RCN1: variants seen among roughly 807,000 people sequenced by gnomAD.
RCN1 encodes the protein reticulocalbin-1.
RCN1 carries 14 observed loss-of-function variants against 34.7 expected under a neutral mutation model. The ratio of observed to expected loss-of-function variants is 0.40; its 90% CI spans 0.27 to 0.63. The LOEUF (loss-of-function observed/expected upper bound fraction) is 0.63. RCN1 is among the 30% of genes least tolerant of loss of function. RCN1 has a pLI of 0.37. For missense variants in RCN1, 326 were observed against 425.1 expected, an observed-to-expected ratio of 0.77 and a Z score of 2.05; for synonymous variants, 125 against 165.5, an observed-to-expected ratio of 0.76 and a Z score of 1.88.
At position 32,105,042 on chromosome 11, in the gene RCN1, A is replaced by G. The variant is rs1456534251; in HGVS notation, c.*570A>G. 2 of 167,348 alleles carry G rather than the reference A, an allele frequency of 1.2e-5. No individual in the cohort carries two copies. The highest frequency in any genetic ancestry group is 6.5e-5 in the Admixed American group (1 of 15,304). The allele number at this position is 167,348 out of a possible 1,614,324, so 10.4% of individuals were successfully genotyped here. The stretch of plus-strand genomic sequence containing the variant: ...TATATGAAACCTCCATGCATTTTCC[A>G]GTATGGATCTGCTAATATGCACAGT... On this transcript the variant is annotated 3_prime_UTR_variant, in exon 6 of 6. Coordinates refer to ENST00000054950, the MANE Select transcript of RCN1 (RefSeq NM_002901.4).
At chr11:32,092,166 G>C (rs914003355) in intron 1 of RCN1, among the ~76,000 whole-genome samples, 1 of 152,110 alleles carries the variant, frequency 6.6e-6, no homozygotes, top group African/African-American at 2.4e-5. Flanking sequence ...AATTAGCCGG[G>C]CGTCGTGGCA....
At position 32,098,333 on chromosome 11, in the gene RCN1, A is replaced by T. The variant is rs756740384; in HGVS notation, c.449-17A>T. 4 of 1,597,916 alleles carry T rather than the reference A, an allele frequency of 2.5e-6. No homozygotes were observed. Among genetic ancestry groups the T allele is most frequent in the Non-Finnish European group, 2.6e-6 (3 of 1,174,004 alleles). On this transcript the variant is annotated splice_polypyrimidine_tract_variant and intron_variant, in intron 2 of 5. Transcript: ENST00000054950. ...CCGCACGGTTTAAAAACATTTCTGCATACATACATCCTGCAGGAAACCCCG... is the reference window on the plus strand; with the variant it reads ...CCGCACGGTTTAAAAACATTTCTGCTTACATACATCCTGCAGGAAACCCCG...
intron 1 of RCN1, chr11:32,096,711 G>A (rs1439940717): frequency 6.4e-6 from 1 of 157,074 alleles, no homozygotes; most frequent in Non-Finnish European, 1.4e-5. Context: ...AATACTGGCT[G>A]TGTAATCTTA....
intron 3 of RCN1, 100 bp from the exon 4 acceptor site, chr11:32,100,448 G>A (rs1157673174): frequency 1.1e-6 from 1 of 937,878 alleles, no homozygotes; most frequent in Non-Finnish European, 1.7e-6. Flanking sequence ...AAGTCACCAA[G>A]CATTCAGCCG....
At chr11:32,097,015 G>T in intron 1 of RCN1, 129 bp from the exon 2 acceptor site, 1 of 670,256 alleles carries the variant, frequency 1.5e-6, no homozygotes, top group Non-Finnish European at 2.4e-6. Context: ...TGATTCTGTT[G>T]TAGTTGTATG....
chr11:32,097,773 G>A (rs538494548), intron 2 of RCN1, among the ~76,000 whole-genome samples: 19 of 152,198 alleles, frequency 1.2e-4, no homozygotes, highest in Non-Finnish European at 2.5e-4. Context: ...TTTGGAGAAG[G>A]TGGGTCAACT....
chr11:32,091,618 G>A, intron 1 of RCN1, 168 bp downstream of exon 1: 1 of 839,232 alleles, frequency 1.2e-6, no homozygotes. Flanking sequence ...ACTTGCTGGA[G>A]GGCCCCGGGA....
Position 32,104,462 on chromosome 11 carries a change from AT to A in RCN1, c.987del (p.Asp329GlufsTer15), listed in dbSNP as rs1852084864. 2.1e-6 allele frequency: 3 copies of A among 1,454,056 alleles called. No homozygotes were observed. The highest frequency in any genetic ancestry group is 2.9e-6 in the Non-Finnish European group (3 of 1,036,620). 90.1% of individuals were successfully genotyped at this position (1,454,056 alleles called of 1,614,324 possible). On this transcript the variant is annotated frameshift_variant, in exon 6 of 6. Coordinates refer to ENST00000054950, the MANE Select transcript of RCN1 (RefSeq NM_002901.4). LOFTEE classifies it high-confidence loss of function. ...GGGGAAGATCTCACAAAAAATCATG[AT>A]GAGCTTTGATAGACACTCACCAGAA... ...NYGEDLTKNH[D>X]EL is the part of the protein sequence containing the mutation.
Position 32,091,763 on chromosome 11 carries a change from G to A in RCN1, c.254+313G>A, listed in dbSNP as rs147568240. The A allele has an allele frequency of 7.4e-3, 2,991 of 406,212 alleles. 20 individuals carry two copies. The highest frequency in any genetic ancestry group is 0.022 in the Middle Eastern group (33 of 1,510). The allele number at this position is 406,212 out of a possible 1,614,324, so 25.2% of individuals were successfully genotyped here. A position where few individuals can be genotyped will look rare whatever the true frequency, so the allele number is the denominator to read the frequency against. ...CCCCCAGGTTGCATCAGAAGGGAGGGGAGAGTGCACAAAAGAAGAGTTTGT... is the reference window on the plus strand; with the variant it reads ...CCCCCAGGTTGCATCAGAAGGGAGGAGAGAGTGCACAAAAGAAGAGTTTGT... On this transcript the variant is annotated intron_variant, in intron 1 of 5. Transcript: ENST00000054950.
chr11:32,101,457 A>C (rs1036496009), intron 4 of RCN1, among the ~76,000 whole-genome samples: 16 of 152,232 alleles, frequency 1.1e-4, no homozygotes, highest in Non-Finnish European at 2.2e-4. Context: ...ATTTTTGTAC[A>C]GATTTTTAAT....
At chr11:32,100,962 A>C (rs1852030530) in intron 4 of RCN1, among the ~76,000 whole-genome samples, 1 of 152,252 alleles carries the variant, frequency 6.6e-6, no homozygotes. Flanking sequence ...AGACAGTGTC[A>C]GGGCAAAGCC....
intron 5 of RCN1, 24 bp downstream of exon 5, chr11:32,103,504 A>C: frequency 6.3e-7 from 1 of 1,597,802 alleles, no homozygotes; most frequent in Non-Finnish European, 8.6e-7. Flanking sequence ...TTCTGGAATC[A>C]CTGATTGAAG....
At chr11:32,092,105 C>G (rs550157683) in intron 1 of RCN1, among the ~76,000 whole-genome samples, 78 of 151,814 alleles carry the variant, frequency 5.1e-4, no homozygotes, top group African/African-American at 1.8e-3. Flanking sequence ...GTCAGGAGTT[C>G]GAGACCAGCC....
At chr11:32,101,753 G>T (rs1394304107) in intron 4 of RCN1, among the ~76,000 whole-genome samples, 3 of 152,186 alleles carry the variant, frequency 2.0e-5, no homozygotes, top group Admixed American at 6.5e-5. Flanking sequence ...ATCAGAGCAA[G>T]CAGTTGAGCC....
At chr11:32,096,183 G>T (rs976687431) in intron 1 of RCN1, among the ~76,000 whole-genome samples, 2 of 152,216 alleles carry the variant, frequency 1.3e-5, no homozygotes, top group Non-Finnish European at 2.9e-5. Context: ...TCTAGAGTTA[G>T]CCTGTATGAC....
intron 4 of RCN1, among the ~76,000 whole-genome samples, 168 bp downstream of exon 4, chr11:32,100,776 A>G (rs1852028942): frequency 6.6e-6 from 1 of 152,154 alleles, no homozygotes; most frequent in Non-Finnish European, 1.5e-5. Context: ...GTGATGTAGT[A>G]TCAGGGAAGT....
chr11:32,102,705 G>T, intron 4 of RCN1: 1 of 262,768 alleles, frequency 3.8e-6, no homozygotes, highest in South Asian at 4.0e-5. Context: ...CCATGTTCCT[G>T]TGCAGCCTCC....
In RCN1 at chr11:32,100,611, G is replaced by C; in HGVS notation, c.688+3G>C. 1.9e-6 allele frequency: 3 copies of C among 1,612,858 alleles called. No homozygotes were observed. Among genetic ancestry groups the C allele is most frequent in the Non-Finnish European group, 2.5e-6 (3 of 1,178,862 alleles). Reference sequence around the variant, plus strand: ...TGTGGATCAGGATGAGTATATTGGTGAGTACTGACCTAGAGTCTTGCTCAG... The same window carrying C: ...TGTGGATCAGGATGAGTATATTGGTCAGTACTGACCTAGAGTCTTGCTCAG... On this transcript the variant is annotated splice_donor_region_variant and intron_variant, in intron 4 of 5. Transcript: ENST00000054950.
In RCN1 at chr11:32,098,356, C is replaced by T. The variant is rs780556901; in HGVS notation, c.455C>T (p.Pro152Leu). ...QATYGYYLGN[P>L]AEFHDSSDHH... is the part of the protein sequence containing the mutation. ...GCATACATACATCCTGCAGGAAACC[C>T]CGCAGAGTTTCATGATTCTTCAGAT... Residue 152 changes from proline to leucine, a missense_variant, in exon 3 of 6, where the codon CCC (proline) becomes CTC (leucine). Transcript: ENST00000054950. 1.4e-5 allele frequency: 23 copies of T among 1,610,258 alleles called. No homozygotes were observed. The South Asian group carries it at 2.4e-4, about 17-fold the overall frequency.
Sources: allele counts gnomAD v4.1 joint callset (sites outside exome capture counted in the v4.1 genomes callset), GRCh38; gene constraint gnomAD v4.1.1; transcripts MANE v1.5; gene names NCBI Gene and HGNC (gene_info 2026-07-23, HGNC 2026-07-21).